The following MFSD11 variants were observed in gnomAD, a reference collection of about 807,000 sequenced individuals.
MFSD11 encodes major facilitator superfamily domain containing 11, also known as UNC93-like protein MFSD11.
A neutral mutation model predicts 53.5 loss-of-function variants in MFSD11; 36 were observed. That is an observed-to-expected ratio of 0.67 (90% confidence interval 0.52 to 0.89). The LOEUF (loss-of-function observed/expected upper bound fraction) is 0.89. Among genes scored for constraint, MFSD11 ranks in the 40% least tolerant of loss-of-function variants. The probability of loss-of-function intolerance (pLI) is 0.00; values close to 1 mark genes in which losing one functional copy is unlikely to be tolerated. For synonymous variants in MFSD11, 186 were observed against 184.9 expected, an observed-to-expected ratio of 1.01 and a Z score of -0.05; for missense variants, 530 against 543.9, an observed-to-expected ratio of 0.97 and a Z score of 0.25.
At chr17:76,796,399 G>A in the MFSD11 span, among the ~76,000 whole-genome samples, 1 of 152,072 alleles carries the variant, frequency 6.6e-6, no homozygotes, top group Non-Finnish European at 1.5e-5. Flanking sequence ...TGGGGGGAAG[G>A]ACTGTCATTT....
At chr17:76,736,987 G>A (rs779792829), upstream of MFSD11, 14 of 1,613,450 alleles carry the variant, frequency 8.7e-6, no homozygotes, top group South Asian at 2.2e-5. Flanking sequence ...AGCGAACGAA[G>A]GCGAAGCCGC....
chr17:76,783,738 A>G (rs2082227393), downstream of MFSD11, among the ~76,000 whole-genome samples: 1 of 151,814 alleles, frequency 6.6e-6, no homozygotes, highest in Non-Finnish European at 1.5e-5. Context: ...TATTTTTTGT[A>G]TTTTTAGTAG....
At chr17:76,799,348 C>G in the MFSD11 span, 1 of 152,200 alleles carries the variant, frequency 6.6e-6, no homozygotes, top group Non-Finnish European at 1.5e-5. Flanking sequence ...CTCCTGACCT[C>G]AAGTGATCCA....
intron 7 of MFSD11, among the ~76,000 whole-genome samples, chr17:76,753,543 C>A (rs906953187): frequency 1.3e-5 from 2 of 151,744 alleles, no homozygotes; most frequent in Non-Finnish European, 2.9e-5. Context: ...TGTGGTGGGA[C>A]CCACCTGTAA....
chr17:76,777,135 G>GCACGTGCCTGTAGTCC (rs1264363718), intron 12 of MFSD11, among the ~76,000 whole-genome samples: 1 of 152,118 alleles, frequency 6.6e-6, no homozygotes, highest in East Asian at 1.9e-4. Flanking sequence ...GGGCGTGGTG[G>GCACGTGCCTGTAGTCC]CACGTGCCTG....
At chr17:76,761,273 A>G (rs2080205018) in intron 8 of MFSD11, among the ~76,000 whole-genome samples, 1 of 152,208 alleles carries the variant, frequency 6.6e-6, no homozygotes, top group Non-Finnish European at 1.5e-5. Context: ...TTAGGTATCA[A>G]AAGGGATAAA....
At chr17:76,795,076 G>GA in the MFSD11 span, among the ~76,000 whole-genome samples, 2 of 152,020 alleles carry the variant, frequency 1.3e-5, no homozygotes, top group East Asian at 3.9e-4. Context: ...AAAATATGGG[G>GA]AAAAAAATTG....
chr17:76,738,630 G>C (rs2077737278), intron 1 of MFSD11, 182 bp downstream of exon 1: 1 of 613,272 alleles, frequency 1.6e-6, no homozygotes, highest in Admixed American at 3.1e-5. Context: ...TCATGGGGGC[G>C]TTAAGCATTA....
upstream of MFSD11, chr17:76,737,065 G>T (rs372496093): frequency 6.2e-7 from 1 of 1,613,162 alleles, no homozygotes; most frequent in Admixed American, 1.7e-5. Flanking sequence ...TCTCGAAGAC[G>T]CGCCTCAGCG....
the MFSD11 span, among the ~76,000 whole-genome samples, chr17:76,798,451 A>G: frequency 6.6e-6 from 1 of 152,136 alleles, no homozygotes; most frequent in Non-Finnish European, 1.5e-5. Flanking sequence ...GAAACGCCCA[A>G]CCTTCTAATC....
downstream of MFSD11, among the ~76,000 whole-genome samples, chr17:76,784,255 G>A (rs914050347): frequency 6.6e-6 from 1 of 152,134 alleles, no homozygotes; most frequent in African/African-American, 2.4e-5. Context: ...GGATAAACAG[G>A]CCAGGCACAG....
At chr17:76,736,736 G>C, upstream of MFSD11, 1 of 1,385,564 alleles carries the variant, frequency 7.2e-7, no homozygotes, top group African/African-American at 1.5e-5. Context: ...GGACCTTTGT[G>C]AGGTCGCCCG....
At chr17:76,748,633 C>T (rs543226009) in intron 7 of MFSD11, among the ~76,000 whole-genome samples, 19 of 152,020 alleles carry the variant, frequency 1.2e-4, no homozygotes, top group African/African-American at 4.3e-4. Flanking sequence ...TTGCAGTGAG[C>T]TGTGGTCACG....
chr17:76,743,518 A>ATTGCTTT, intron 6 of MFSD11, 62 bp downstream of exon 6: 2 of 1,022,706 alleles, frequency 2.0e-6, no homozygotes, highest in African/African-American at 3.4e-5. Context: ...GTTATATAGA[A>ATTGCTTT]ATACCCATTA....
chr17:76,792,796 C>A, the MFSD11 span, among the ~76,000 whole-genome samples: 1 of 151,388 alleles, frequency 6.6e-6, no homozygotes, highest in South Asian at 2.1e-4. Context: ...AACCTGCCCC[C>A]AATAGTCATG....
chr17:76,790,800 C>T, the MFSD11 span, among the ~76,000 whole-genome samples: 17 of 136,758 alleles, frequency 1.2e-4, 2 homozygotes, highest in Non-Finnish European at 4.5e-5. Flanking sequence ...ATTAGCCGGG[C>T]GTGGTGGCAC....
intron 2 of MFSD11, among the ~76,000 whole-genome samples, chr17:76,739,267 A>G (rs896879294): frequency 2.0e-4 from 5 of 24,922 alleles, no homozygotes; most frequent in African/African-American, 2.2e-4. Context: ...TAGTTCAGAC[A>G]ATGCATGTAA....
At chr17:76,774,810 T>C (rs1013207536) in intron 10 of MFSD11, among the ~76,000 whole-genome samples, 187 bp from the exon 11 acceptor site, 15 of 152,250 alleles carry the variant, frequency 9.9e-5, no homozygotes, top group Non-Finnish European at 1.3e-4. Context: ...TTTGATACCT[T>C]ACTTTTTTGT....
intron 10 of MFSD11, among the ~76,000 whole-genome samples, chr17:76,772,117 A>G (rs995699390): frequency 3.9e-5 from 6 of 152,090 alleles, no homozygotes; most frequent in African/African-American, 1.4e-4. Context: ...ATAATTTCAA[A>G]TTGATAAGAA....
Sources: gnomAD v4.1 joint callset for allele counts (sites outside exome capture counted in the v4.1 genomes callset) on GRCh38, gnomAD v4.1.1 for gene constraint, MANE v1.5 for transcripts, NCBI Gene and HGNC (gene_info 2026-07-23, HGNC 2026-07-21) for gene names.